DNM2: variants seen among roughly 807,000 people sequenced by gnomAD.
DNM2 encodes dynamin 2.
In DNM2, 15 loss-of-function variants were observed where a neutral mutation model predicts 99.0. That is an observed-to-expected ratio of 0.15 (90% CI 0.10 to 0.23). DNM2 has a LOEUF of 0.23. DNM2 is among the 10% of genes least tolerant of loss of function. DNM2 has a pLI of 1.00. For missense variants in DNM2, 742 were observed against 1,189.4 expected, an observed-to-expected ratio of 0.62 and a Z score of 5.53; for synonymous variants, 525 against 481.2, an observed-to-expected ratio of 1.09 and a Z score of -1.19.
Position 10,783,702 on chromosome 19 carries a change from A to ATTT in DNM2, c.849+584_849+585insTTT, listed in dbSNP as rs1335201078. Among the ~76,000 whole-genome samples, 154 of 142,462 alleles carry ATTT rather than the reference A, an allele frequency of 1.1e-3. 10 individuals are homozygous for ATTT. Among genetic ancestry groups the ATTT allele is most frequent in the African/African-American group, 3.6e-3 (131 of 36,842 alleles). The allele number at this position is 142,462 out of a possible 152,430, so 93.5% of individuals were successfully genotyped here. A position where few individuals can be genotyped will look rare whatever the true frequency, so the allele number is the denominator to read the frequency against. Reference sequence around the variant, plus strand: ...TATTATTATTATTATTATTATTATTATTATTTTTTATTTTTGGAGACACAG... The same window carrying ATTT: ...TATTATTATTATTATTATTATTATTATTTTTATTTTTTATTTTTGGAGACACAG... On this transcript the variant is annotated intron_variant, in intron 6 of 20. Coordinates refer to ENST00000389253, the MANE Select transcript of DNM2 (RefSeq NM_001005361.3).
chr19:10,737,331 A>G (rs1203284554), intron 1 of DNM2, among the ~76,000 whole-genome samples: 1 of 151,958 alleles, frequency 6.6e-6, no homozygotes, highest in East Asian at 1.9e-4. Flanking sequence ...TTTCATCAGC[A>G]TTCTAAGGCC....
chr19:10,822,040 T>C (rs1032411025), intron 16 of DNM2, among the ~76,000 whole-genome samples: 5 of 152,174 alleles, frequency 3.3e-5, no homozygotes, highest in African/African-American at 7.2e-5. Flanking sequence ...TTGGCTGTCT[T>C]AACCACACCT....
chr19:10,724,246 C>T (rs955507208), intron 1 of DNM2, among the ~76,000 whole-genome samples: 9 of 152,096 alleles, frequency 5.9e-5, no homozygotes, highest in Non-Finnish European at 1.0e-4. Context: ...CACGCGATCT[C>T]GGCTCACTGC....
rs371578319 is a variant in DNM2, at chr19:10,772,751, C to G, written c.385+123C>G. 3.0e-5 allele frequency: 43 copies of G among 1,411,560 alleles called. No homozygotes were observed. The South Asian group carries it at 5.1e-4, about 17-fold the overall frequency. The allele number at this position is 1,411,560 out of a possible 1,614,324, so 87.4% of individuals were successfully genotyped here. A position where few individuals can be genotyped will look rare whatever the true frequency, so the allele number is the denominator to read the frequency against. ...TGCCCATTCACAAACAGTTGATATT[C>G]ACACACACATAGCCCCTTGATCTGT... is the stretch of plus-strand genomic sequence containing the variant. On this transcript the variant is annotated intron_variant, in intron 3 of 20. Transcript: ENST00000389253. The surrounding 1 kb of genome is among the most constrained non-coding windows in gnomAD (Gnocchi z 4.9).
rs1006456789 is a variant in DNM2, at chr19:10,812,046, AGTCT to A, written c.1558-210_1558-207del. 2.3e-5 allele frequency: 12 copies of A among 531,678 alleles called. No homozygotes were observed. Among genetic ancestry groups the A allele is most frequent in the Non-Finnish European group, 3.6e-5 (10 of 276,308 alleles). 32.9% of individuals were successfully genotyped at this position (531,678 alleles called of 1,614,324 possible). A position where few individuals can be genotyped will look rare whatever the true frequency, so the allele number is the denominator to read the frequency against. The stretch of plus-strand genomic sequence containing the variant: ...TACCCCATCAGCCCCTGGCCCAGTG[AGTCT>A]GTCTGTCCGCCCACCTGCCCAGGTG... On this transcript the variant is annotated intron_variant, in intron 14 of 20. Transcript: ENST00000389253. This position sits in a 1 kb window ranked among gnomAD's most constrained non-coding sequence, Gnocchi z 4.0.
chr19:10,726,367 TC>T (rs1186362570), intron 1 of DNM2, among the ~76,000 whole-genome samples: 1 of 152,072 alleles, frequency 6.6e-6, no homozygotes, highest in Non-Finnish European at 1.5e-5. Context: ...GGCCTTAGTT[TC>T]TTTTTCCTTA....
At chr19:10,815,797 G>C (rs1045570851) in intron 15 of DNM2, among the ~76,000 whole-genome samples, 1 of 152,160 alleles carries the variant, frequency 6.6e-6, no homozygotes, top group Admixed American at 6.5e-5. Flanking sequence ...ATGCTCTGTA[G>C]GAGTGCCCCC....
intron 7 of DNM2, among the ~76,000 whole-genome samples, chr19:10,792,066 CGACA>C (rs2071772033): frequency 6.6e-6 from 1 of 152,056 alleles, no homozygotes; most frequent in African/African-American, 2.4e-5. Flanking sequence ...CCAGCTTGGG[CGACA>C]GAGTGAGACT....
intron 6 of DNM2, among the ~76,000 whole-genome samples, chr19:10,785,947 C>A (rs545361263): frequency 6.6e-6 from 1 of 151,806 alleles, no homozygotes; most frequent in African/African-American, 2.4e-5. Context: ...TACAGGCACC[C>A]ACCACCACAC....
At chr19:10,777,743 C>G (rs898661940) in intron 5 of DNM2, among the ~76,000 whole-genome samples, 1 of 151,680 alleles carries the variant, frequency 6.6e-6, no homozygotes, top group Non-Finnish European at 1.5e-5. Flanking sequence ...TACAAGTGGG[C>G]ACCACCACGC....
At chr19:10,740,311 C>G (rs1192119127) in intron 1 of DNM2, among the ~76,000 whole-genome samples, 2 of 151,856 alleles carry the variant, frequency 1.3e-5, no homozygotes, top group South Asian at 2.1e-4. Context: ...GGTTTACCCT[C>G]CTTTTCTGAG....
intron 1 of DNM2, among the ~76,000 whole-genome samples, chr19:10,755,970 A>G (rs1271170507): frequency 2.0e-5 from 3 of 152,136 alleles, no homozygotes; most frequent in Admixed American, 2.0e-4. Context: ...GACCTGAGAC[A>G]CTGCGTCTCT....
intron 1 of DNM2, among the ~76,000 whole-genome samples, chr19:10,732,633 A>T (rs553446132): frequency 6.6e-6 from 1 of 151,990 alleles, no homozygotes; most frequent in African/African-American, 2.4e-5. Flanking sequence ...CCCTGTCCGG[A>T]AGTGCACAGA....
At chr19:10,776,755 C>T (rs1337283416) in intron 4 of DNM2, among the ~76,000 whole-genome samples, 4 of 152,232 alleles carry the variant, frequency 2.6e-5, no homozygotes, top group African/African-American at 4.8e-5. Flanking sequence ...TCCCTTGGGA[C>T]TTTGCCGGCA....
At chr19:10,718,435 T>G in intron 1 of DNM2, 32 bp downstream of exon 1, 3 of 1,415,808 alleles carry the variant, frequency 2.1e-6, no homozygotes, top group Non-Finnish European at 2.8e-6. Flanking sequence ...CGCGGGCGGG[T>G]GGCGGCCTAG....
At chr19:10,747,900 C>T (rs2070049872) in intron 1 of DNM2, among the ~76,000 whole-genome samples, 1 of 152,110 alleles carries the variant, frequency 6.6e-6, no homozygotes, top group Non-Finnish European at 1.5e-5. Context: ...CTGGGAGCTG[C>T]CCGCCTGCTC....
intron 19 of DNM2, among the ~76,000 whole-genome samples, chr19:10,829,630 G>T (rs981224687): frequency 6.6e-6 from 1 of 152,194 alleles, no homozygotes; most frequent in Non-Finnish European, 1.5e-5. Flanking sequence ...GCTCTGGAGG[G>T]GCAAACGCAA....
chr19:10,740,385 T>C (rs1249996864), intron 1 of DNM2, among the ~76,000 whole-genome samples: 1 of 149,194 alleles, frequency 6.7e-6, no homozygotes, highest in Non-Finnish European at 1.5e-5. Context: ...TTTTTTGTTT[T>C]TTTTTTTTGA....
chr19:10,775,817 A>G lies in DNM2; in HGVS notation c.500A>G (p.Glu167Gly). Reference protein sequence around the residue: ...KDMILQFISRESSLILAVTPA... With the variant: ...KDMILQFISRGSSLILAVTPA... Reference sequence around the variant, plus strand: ...ATGATCCTGCAGTTCATCAGCCGGGAGAGCAGCCTCATTCTGGCTGTCACG... The same window carrying G: ...ATGATCCTGCAGTTCATCAGCCGGGGGAGCAGCCTCATTCTGGCTGTCACG... The change falls in exon 4 of 21, where the codon GAG becomes GGG. Residue 167 changes from glutamate (E) to glycine (G), a missense_variant. Glu to Gly is a moderately conservative substitution (Grantham distance 98). Transcript: ENST00000389253. The surrounding 1 kb of genome is among the most constrained non-coding windows in gnomAD (Gnocchi z 4.3). 1 of 1,614,134 alleles carries G rather than the reference A, an allele frequency of 6.2e-7. No individual in the cohort carries two copies. The highest frequency in any genetic ancestry group is 2.2e-5 in the East Asian group (1 of 44,888).
Sources: allele counts gnomAD v4.1 joint callset (sites outside exome capture counted in the v4.1 genomes callset), GRCh38; gene constraint gnomAD v4.1.1; non-coding constraint Gnocchi (gnomAD v3.1); transcripts MANE v1.5; gene names NCBI Gene and HGNC (gene_info 2026-07-23, HGNC 2026-07-21).